The following MAD1L1 variants were observed in gnomAD, a reference collection of about 807,000 sequenced individuals.
The protein encoded by MAD1L1 is mitotic spindle assembly checkpoint protein MAD1.
MAD1L1 carries 95 observed loss-of-function variants against 96.9 expected under a neutral mutation model. That is an observed-to-expected ratio of 0.98 (90% CI 0.83 to 1.16). The LOEUF (loss-of-function observed/expected upper bound fraction) is 1.16. Among genes scored for constraint, MAD1L1 ranks in the 50% most tolerant of loss-of-function variants. The pLI, the probability that MAD1L1 is intolerant of heterozygous loss-of-function variation, is 0.00. For missense variants in MAD1L1, 1,007 were observed against 954.4 expected, an observed-to-expected ratio of 1.06 and a Z score of -0.73; for synonymous variants, 473 against 396.6, an observed-to-expected ratio of 1.19 and a Z score of -2.29.
chr7:1,955,767 G>A (rs1437259363), intron 16 of MAD1L1, among the ~76,000 whole-genome samples: 1 of 152,144 alleles, frequency 6.6e-6, no homozygotes, highest in Non-Finnish European at 1.5e-5. Flanking sequence ...GTTGGGCAGG[G>A]GCTATAGGTG....
intron 10 of MAD1L1, among the ~76,000 whole-genome samples, chr7:2,163,291 G>A (rs1409999397): frequency 6.6e-6 from 1 of 152,170 alleles, no homozygotes; most frequent in African/African-American, 2.4e-5. Flanking sequence ...GGGCGTAATG[G>A]GATGGAACTA....
At chr7:1,902,010 A>C (rs1386381023) in intron 17 of MAD1L1, among the ~76,000 whole-genome samples, 1 of 152,154 alleles carries the variant, frequency 6.6e-6, no homozygotes, top group Non-Finnish European at 1.5e-5. Context: ...GGCCTCGGTG[A>C]GGGGCAAGAG....
chr7:1,823,445 G>A lies in MAD1L1; in HGVS notation c.1999-7217C>T, dbSNP rs373340464. 1.2e-4 allele frequency among the ~76,000 whole-genome samples: 18 copies of A among 152,246 alleles called. No homozygotes were observed. In the East Asian group the frequency reaches 2.3e-3, roughly 20 times the overall value. ...ATTGCACAGTGGAAGAGCCTGTGAA[G>A]CAGATACAAGGATAAGCTACACGAC... On this transcript the variant is annotated intron_variant, in intron 18 of 18. Coordinates refer to ENST00000265854, the MANE Select transcript of MAD1L1 (RefSeq NM_001013836.2).
chr7:2,069,401 G>A (rs776785075), intron 11 of MAD1L1, 63 bp from the exon 12 acceptor site: 320 of 1,414,926 alleles, frequency 2.3e-4, no homozygotes, highest in Non-Finnish European at 2.8e-4. Flanking sequence ...ACCAAGCCCC[G>A]CCCCACCCCA....
chr7:1,878,731 TCCCCCCC>T (rs35603667), intron 18 of MAD1L1, among the ~76,000 whole-genome samples: 2 of 128,990 alleles, frequency 1.6e-5, no homozygotes, highest in East Asian at 4.5e-4. Context: ...GGTAAAAATG[TCCCCCCC>T]CCCCCATTCT....
At chr7:2,195,638 C>T (rs913329566) in intron 10 of MAD1L1, among the ~76,000 whole-genome samples, 1 of 152,206 alleles carries the variant, frequency 6.6e-6, no homozygotes, top group Non-Finnish European at 1.5e-5. Context: ...AAATTAATTG[C>T]TAATCTTCTA....
chr7:2,101,188 A>G (rs1290357960), intron 11 of MAD1L1, among the ~76,000 whole-genome samples: 1 of 152,230 alleles, frequency 6.6e-6, no homozygotes, highest in Non-Finnish European at 1.5e-5. Flanking sequence ...CTGTGGGAAC[A>G]TTCATACACC....
chr7:1,992,453 C>A (rs1311858450), intron 14 of MAD1L1, among the ~76,000 whole-genome samples: 1 of 152,128 alleles, frequency 6.6e-6, no homozygotes, highest in African/African-American at 2.4e-5. Flanking sequence ...GTGCAAGTAA[C>A]GGAAATGTGT....
rs539206892 is a variant in MAD1L1, at chr7:1,933,774, G to T, written c.1807+2913C>A. ...GAGCGGCAACTGCCCAGGGCACACA[G>T]ATGGACAGATGGTTCCGGGGACCCA... On this transcript the variant is annotated intron_variant, in intron 17 of 18. Transcript: ENST00000265854. Among the ~76,000 whole-genome samples, 11 of 152,338 alleles carry T rather than the reference G, an allele frequency of 7.2e-5. No homozygotes were observed. The South Asian group carries it at 2.3e-3, about 32-fold the overall frequency.
chr7:1,962,751 C>A (rs965246087), intron 15 of MAD1L1, among the ~76,000 whole-genome samples: 2 of 152,206 alleles, frequency 1.3e-5, no homozygotes, highest in African/African-American at 4.8e-5. Flanking sequence ...CACAGTGAGA[C>A]ATGACTGCCA....
At chr7:1,901,076 G>A (rs893921128) in intron 17 of MAD1L1, among the ~76,000 whole-genome samples, 18 of 152,164 alleles carry the variant, frequency 1.2e-4, no homozygotes, top group South Asian at 2.1e-4. Flanking sequence ...ACAGACCCTC[G>A]GAGGTGAGGG....
chr7:1,980,341 A>G (rs1780838031), intron 15 of MAD1L1, 112 bp downstream of exon 15: 3 of 839,388 alleles, frequency 3.6e-6, no homozygotes, highest in African/African-American at 1.8e-5. Flanking sequence ...CCTCCCCCAC[A>G]GGACACACCT....
At chr7:2,053,208 G>A (rs1328392573) in intron 12 of MAD1L1, among the ~76,000 whole-genome samples, 2 of 152,226 alleles carry the variant, frequency 1.3e-5, no homozygotes, top group African/African-American at 4.8e-5. Flanking sequence ...CTCGGGATCT[G>A]CTACCTGGTA....
intron 10 of MAD1L1, among the ~76,000 whole-genome samples, chr7:2,163,148 A>G (rs1338010922): frequency 6.6e-6 from 1 of 152,186 alleles, no homozygotes; most frequent in African/African-American, 2.4e-5. Context: ...ATGACGTGCA[A>G]CAGGCACAAA....
intron 11 of MAD1L1, among the ~76,000 whole-genome samples, chr7:2,073,715 G>C (rs1428474057): frequency 6.6e-6 from 1 of 152,228 alleles, no homozygotes; most frequent in African/African-American, 2.4e-5. Context: ...AGGGTAGACA[G>C]AGGCATAGGG....
At chr7:2,200,096 C>T (rs993043988) in intron 10 of MAD1L1, among the ~76,000 whole-genome samples, 2 of 152,254 alleles carry the variant, frequency 1.3e-5, no homozygotes, top group African/African-American at 4.8e-5. Context: ...CCACCCCTCC[C>T]GGGGCGCACC....
rs1054756310 is a variant in MAD1L1 at position 2,146,861 on chromosome 7, C to A, written c.1073+2291G>T. On this transcript the variant is annotated intron_variant, in intron 11 of 18. Transcript: ENST00000265854. This position sits in a 1 kb window ranked among gnomAD's most constrained non-coding sequence, Gnocchi z 6.2. ...TCCCTGACCCCGCCACGGCAGGCCGCGACGAACACGGTGTCCCGCCACGGA... is the reference window on the plus strand; with the variant it reads ...TCCCTGACCCCGCCACGGCAGGCCGAGACGAACACGGTGTCCCGCCACGGA... Among the ~76,000 whole-genome samples the A allele has an allele frequency of 6.6e-6, 1 of 152,160 alleles. No individual in the cohort carries two copies. The highest frequency in any genetic ancestry group is 2.4e-5 in the African/African-American group (1 of 41,426).
chr7:2,004,385 G>A (rs891227645), intron 13 of MAD1L1, among the ~76,000 whole-genome samples: 8 of 152,268 alleles, frequency 5.3e-5, no homozygotes, highest in Non-Finnish European at 1.0e-4. Flanking sequence ...CTGGCACGAT[G>A]GGCACCGGCC....
chr7:2,122,258 T>A (rs1164493968), intron 11 of MAD1L1, among the ~76,000 whole-genome samples: 1 of 152,234 alleles, frequency 6.6e-6, no homozygotes, highest in Non-Finnish European at 1.5e-5. Flanking sequence ...CCTGTCCACC[T>A]CGTGTGCCTT....
Sources: gnomAD v4.1 joint callset for allele counts (sites outside exome capture counted in the v4.1 genomes callset) on GRCh38, gnomAD v4.1.1 for gene constraint, Gnocchi (gnomAD v3.1) non-coding constraint, MANE v1.5 for transcripts, NCBI Gene and HGNC (gene_info 2026-07-23, HGNC 2026-07-21) for gene names.